Variants in UNC5D observed in about 807,000 individuals in gnomAD.
UNC5D encodes the protein netrin receptor UNC5D.
UNC5D carries 39 observed loss-of-function variants against 105.4 expected under a neutral mutation model. That is an observed-to-expected ratio of 0.37 (90% confidence interval 0.29 to 0.48). UNC5D has a LOEUF of 0.48. Ranked by LOEUF, UNC5D falls within the 20% of genes least tolerant of loss-of-function variation. The pLI, the probability that UNC5D is intolerant of heterozygous loss-of-function variation, is 0.98. For synonymous variants in UNC5D, 452 were observed against 450.4 expected, an observed-to-expected ratio of 1.00 and a Z score of -0.04; for missense variants, 991 against 1,202.4, an observed-to-expected ratio of 0.82 and a Z score of 2.60.
chr8:35,559,341 G>T (rs923795229), intron 2 of UNC5D, among the ~76,000 whole-genome samples: 2 of 152,298 alleles, frequency 1.3e-5, no homozygotes, highest in Admixed American at 1.3e-4. Flanking sequence ...CTTCCTTCTT[G>T]AATCTATTGG....
chr8:35,271,038 T>C (rs1805245306), intron 1 of UNC5D, among the ~76,000 whole-genome samples: 1 of 151,746 alleles, frequency 6.6e-6, no homozygotes, highest in Admixed American at 6.6e-5. Flanking sequence ...AATATATACA[T>C]GTCACAGTAA....
intron 2 of UNC5D, among the ~76,000 whole-genome samples, chr8:35,561,743 C>G (rs1214332872): frequency 6.6e-6 from 1 of 151,920 alleles, no homozygotes; most frequent in African/African-American, 2.4e-5. Flanking sequence ...TAGCTTGAAC[C>G]TATTCCTTTT....
chr8:35,632,685 G>A (rs1822118655), intron 4 of UNC5D, among the ~76,000 whole-genome samples: 2 of 152,136 alleles, frequency 1.3e-5, no homozygotes, highest in Non-Finnish European at 1.5e-5. Context: ...AGTGCACATG[G>A]TCAGTCCAAT....
At chr8:35,714,591 G>T (rs1018568018) in intron 8 of UNC5D, among the ~76,000 whole-genome samples, 2 of 152,232 alleles carry the variant, frequency 1.3e-5, no homozygotes, top group Non-Finnish European at 2.9e-5. Context: ...AATCAGTAAA[G>T]AACAGGTCAA....
intron 1 of UNC5D, among the ~76,000 whole-genome samples, chr8:35,245,812 T>G (rs1364808694): frequency 6.6e-6 from 1 of 152,128 alleles, no homozygotes; most frequent in Non-Finnish European, 1.5e-5. Flanking sequence ...TCTGTGTGTA[T>G]TATATATTAG....
intron 1 of UNC5D, among the ~76,000 whole-genome samples, chr8:35,538,844 A>G (rs960227390): frequency 1.3e-5 from 2 of 152,158 alleles, no homozygotes; most frequent in African/African-American, 4.8e-5. Flanking sequence ...GGGCCAAGCA[A>G]TAAGTCTGTT....
Position 35,329,242 on chromosome 8 carries a change from G to A in UNC5D, c.103+93355G>A, listed in dbSNP as rs1296702019. ...GATTTTGGAATTGTCCACTTCCCAA[G>A]TCCTATTTTTTACTGCCATACTATC... On this transcript the variant is annotated intron_variant, in intron 1 of 16. Coordinates refer to ENST00000404895, the MANE Select transcript of UNC5D (RefSeq NM_080872.4). 1.2e-4 allele frequency among the ~76,000 whole-genome samples: 19 copies of A among 152,032 alleles called. No homozygotes were observed. The East Asian group carries it at 3.7e-3, about 29-fold the overall frequency.
rs139549554 is a variant in UNC5D, at chr8:35,573,881, G to A, written c.466+5640G>A. Among the ~76,000 whole-genome samples the A allele has an allele frequency of 5.2e-4, 79 of 152,214 alleles. 1 individual carries two copies. Among genetic ancestry groups the A allele is most frequent in the African/African-American group, 1.3e-3 (54 of 41,516 alleles). On this transcript the variant is annotated intron_variant, in intron 3 of 16. Transcript: ENST00000404895. ...CCAACTGCCTGGGGCTGGAAATTGC[G>A]GAGGCCTAGTTTCAAAAGTGATTTT...
At chr8:35,414,261 CT>C (rs1040432791) in intron 1 of UNC5D, among the ~76,000 whole-genome samples, 2 of 152,016 alleles carry the variant, frequency 1.3e-5, no homozygotes, top group African/African-American at 4.8e-5. Flanking sequence ...TTTATTTCTC[CT>C]TTGTGTGCTC....
At chr8:35,600,858 A>T (rs1244099563) in intron 4 of UNC5D, among the ~76,000 whole-genome samples, 3 of 152,048 alleles carry the variant, frequency 2.0e-5, no homozygotes, top group African/African-American at 7.2e-5. Context: ...GGTGTTTTAG[A>T]CATGAAGACC....
At chr8:35,736,809 A>G (rs936892649) in intron 11 of UNC5D, among the ~76,000 whole-genome samples, 18 of 152,248 alleles carry the variant, frequency 1.2e-4, no homozygotes, top group African/African-American at 4.3e-4. Context: ...GCAGAGCGAA[A>G]TATGAAAGGA....
chr8:35,745,280 A>G (rs756631237), intron 11 of UNC5D, among the ~76,000 whole-genome samples: 2 of 152,182 alleles, frequency 1.3e-5, no homozygotes, highest in Non-Finnish European at 2.9e-5. Context: ...CCTGACAGGC[A>G]CAAGGTGGGG....
At chr8:35,348,847 T>A (rs1019519591) in intron 1 of UNC5D, among the ~76,000 whole-genome samples, 1 of 151,826 alleles carries the variant, frequency 6.6e-6, no homozygotes, top group Non-Finnish European at 1.5e-5. Flanking sequence ...GTCTTAAAAA[T>A]TATCAAGAAC....
intron 1 of UNC5D, among the ~76,000 whole-genome samples, chr8:35,424,648 T>C (rs565226723): frequency 6.6e-6 from 1 of 152,364 alleles, no homozygotes; most frequent in South Asian, 2.1e-4. Flanking sequence ...TCTGTGTTTA[T>C]GAAGCTCTTC....
intron 11 of UNC5D, among the ~76,000 whole-genome samples, chr8:35,746,986 C>T (rs1403204767): frequency 1.3e-5 from 2 of 152,164 alleles, no homozygotes; most frequent in Non-Finnish European, 2.9e-5. Context: ...GTTGCTAATA[C>T]ACTGCTTTCC....
chr8:35,439,979 G>A (rs951985722), intron 1 of UNC5D, among the ~76,000 whole-genome samples: 1 of 151,960 alleles, frequency 6.6e-6, no homozygotes. Context: ...ACATCCAATA[G>A]CACTATATAG....
intron 1 of UNC5D, among the ~76,000 whole-genome samples, chr8:35,403,745 A>G (rs112086189): frequency 5.9e-5 from 9 of 152,298 alleles, no homozygotes; most frequent in African/African-American, 2.2e-4. Context: ...TTCGCTCACA[A>G]TAAGAAAATT....
chr8:35,274,919 G>A (rs953934695), intron 1 of UNC5D, among the ~76,000 whole-genome samples: 12 of 151,882 alleles, frequency 7.9e-5, no homozygotes, highest in African/African-American at 2.7e-4. Flanking sequence ...GTGAAACCCC[G>A]TCTCTCCTAA....
chr8:35,525,103 G>A (rs868243589), intron 1 of UNC5D: 16 of 1,524,330 alleles, frequency 1.0e-5, no homozygotes, highest in South Asian at 3.4e-5. Flanking sequence ...TCCCTCCCCC[G>A]GCCTGCCTCC....
Sources: allele counts gnomAD v4.1 joint callset (sites outside exome capture counted in the v4.1 genomes callset), GRCh38; gene constraint gnomAD v4.1.1; transcripts MANE v1.5; gene names NCBI Gene and HGNC (gene_info 2026-07-23, HGNC 2026-07-21).